The following COL22A1 variants were observed in gnomAD, a reference collection of about 807,000 sequenced individuals.
COL22A1 encodes collagen alpha-1(XXII) chain.
In COL22A1, 221 loss-of-function variants were observed where a neutral mutation model predicts 248.9. The observed-to-expected ratio is 0.89, with a 90% CI of 0.80 to 0.99. The LOEUF (loss-of-function observed/expected upper bound fraction) is 0.99, where lower values mean the gene tolerates loss of function less well. Among genes scored for constraint, COL22A1 ranks in the 50% least tolerant of loss-of-function variants. The pLI is 0.00. For synonymous variants in COL22A1, 891 were observed against 793.4 expected, an observed-to-expected ratio of 1.12 and a Z score of -2.07; for missense variants, 2,240 against 2,179.0, an observed-to-expected ratio of 1.03 and a Z score of -0.56.
chr8:138,660,803 GACACACATACACACAT>G (rs1189754478), intron 43 of COL22A1, among the ~76,000 whole-genome samples: 4 of 81,404 alleles, frequency 4.9e-5, no homozygotes, highest in African/African-American at 1.3e-4. Context: ...CAGACACACA[GACACACATACACACAT>G]ACACACACAT....
chr8:138,642,645 G>T (rs748369517), intron 47 of COL22A1, among the ~76,000 whole-genome samples: 6 of 152,206 alleles, frequency 3.9e-5, no homozygotes, highest in Admixed American at 2.0e-4. Context: ...CATCAGCACT[G>T]CATGCAGGCT....
At position 138,720,236 on chromosome 8, in the gene COL22A1, G is replaced by A. The variant is rs186026287; in HGVS notation, c.2355+503C>T. On this transcript the variant is annotated intron_variant, in intron 27 of 64. Transcript: ENST00000303045. The stretch of plus-strand genomic sequence containing the variant: ...TGGCCCGAGAAGGCTGAACTCTACG[G>A]ATTGCATCTGCCAGCTTTCCTTGCC... 2.6e-5 allele frequency among the ~76,000 whole-genome samples: 4 copies of A among 152,248 alleles called. No individual in the cohort carries two copies. The East Asian group carries it at 5.8e-4, about 22-fold the overall frequency.
At chr8:138,828,252 A>G (rs1819755148) in intron 5 of COL22A1, 1 of 152,004 alleles carries the variant, frequency 6.6e-6, no homozygotes. Context: ...TTCCTGGAGG[A>G]CGCATCCTAG....
At chr8:138,878,440 A>T (rs1162299605) in intron 2 of COL22A1, 124 bp from the exon 3 acceptor site, 6 of 825,400 alleles carry the variant, frequency 7.3e-6, no homozygotes, top group Non-Finnish European at 1.1e-5. Context: ...GTCTCTCATG[A>T]CCCAAGGGCC....
intron 3 of COL22A1, among the ~76,000 whole-genome samples, chr8:138,846,799 GA>G (rs1486984467): frequency 5.3e-5 from 8 of 152,122 alleles, no homozygotes; most frequent in African/African-American, 1.9e-4. Context: ...ATTCTTTACT[GA>G]GCTCCAGATA....
At chr8:138,748,132 C>T (rs1403895722) in intron 22 of COL22A1, among the ~76,000 whole-genome samples, 2 of 152,170 alleles carry the variant, frequency 1.3e-5, no homozygotes, top group Admixed American at 6.5e-5. Flanking sequence ...CTCACTCACT[C>T]CTGCAAGGCC....
intron 49 of COL22A1, among the ~76,000 whole-genome samples, chr8:138,631,255 C>T (rs144170027): frequency 6.6e-6 from 1 of 152,194 alleles, no homozygotes; most frequent in African/African-American, 2.4e-5. Flanking sequence ...ACAGATCTTA[C>T]ATTCTGTGCC....
At chr8:138,833,744 C>T (rs1379542937) in intron 4 of COL22A1, among the ~76,000 whole-genome samples, 3 of 152,096 alleles carry the variant, frequency 2.0e-5, no homozygotes, top group African/African-American at 7.2e-5. Flanking sequence ...AAGAGAGGAC[C>T]TTATACGCAT....
intron 56 of COL22A1, among the ~76,000 whole-genome samples, chr8:138,613,207 C>G (rs992650036): frequency 6.7e-6 from 1 of 149,696 alleles, no homozygotes; most frequent in African/African-American, 2.5e-5. Context: ...GAGATCACGC[C>G]AGTGCACTGC....
At chr8:138,597,182 C>A (rs1817614765) in intron 61 of COL22A1, among the ~76,000 whole-genome samples, 1 of 152,212 alleles carries the variant, frequency 6.6e-6, no homozygotes, top group Non-Finnish European at 1.5e-5. Context: ...GCAACCCGGA[C>A]TCTGGGCTCT....
intron 3 of COL22A1, among the ~76,000 whole-genome samples, chr8:138,866,203 T>C (rs1309701505): frequency 1.8e-4 from 27 of 152,212 alleles, no homozygotes; most frequent in Non-Finnish European, 1.5e-5. Context: ...GTCAGAAGCA[T>C]CACGATTAAT....
chr8:138,812,036 G>A (rs1045147884), intron 8 of COL22A1, 115 bp from the exon 9 acceptor site: 21 of 1,227,822 alleles, frequency 1.7e-5, no homozygotes, highest in African/African-American at 1.1e-4. Context: ...TTGAGAAAAC[G>A]CTGAGGATGT....
At chr8:138,671,813 G>A (rs1434644944) in intron 41 of COL22A1, among the ~76,000 whole-genome samples, 1 of 152,070 alleles carries the variant, frequency 6.6e-6, no homozygotes, top group Non-Finnish European at 1.5e-5. Context: ...CAAACTTACG[G>A]TATTGATAAA....
intron 47 of COL22A1, among the ~76,000 whole-genome samples, chr8:138,637,806 T>G (rs571859359): frequency 4.6e-5 from 7 of 152,186 alleles, no homozygotes; most frequent in Non-Finnish European, 1.0e-4. Flanking sequence ...ATTCTCATTG[T>G]CAGTATCACC....
At chr8:138,619,576 T>A in intron 52 of COL22A1, 68 bp from the exon 53 acceptor site, 1 of 1,464,558 alleles carries the variant, frequency 6.8e-7, no homozygotes, top group Non-Finnish European at 9.6e-7. Flanking sequence ...CCTGGCTCTC[T>A]GTGTTTCCTA....
intron 27 of COL22A1, among the ~76,000 whole-genome samples, chr8:138,719,260 A>C (rs1310343534): frequency 1.3e-5 from 2 of 152,114 alleles, no homozygotes; most frequent in Non-Finnish European, 2.9e-5. Flanking sequence ...TGAAAAAAAA[A>C]CACACAGCAA....
chr8:138,732,362 T>C (rs539500093), intron 23 of COL22A1, among the ~76,000 whole-genome samples: 19 of 152,246 alleles, frequency 1.2e-4, no homozygotes, highest in African/African-American at 4.6e-4. Flanking sequence ...AGGTAGAAAT[T>C]TACGTAAGAA....
intron 61 of COL22A1, among the ~76,000 whole-genome samples, chr8:138,597,456 A>G (rs1817634423): frequency 6.6e-6 from 1 of 152,134 alleles, no homozygotes; most frequent in East Asian, 1.9e-4. Flanking sequence ...TTCCCTGCTT[A>G]GGTCCACTGT....
intron 12 of COL22A1, among the ~76,000 whole-genome samples, chr8:138,788,245 G>A (rs960285571): frequency 6.6e-6 from 1 of 152,178 alleles, no homozygotes; most frequent in African/African-American, 2.4e-5. Flanking sequence ...AGTCCTCCAG[G>A]TGATTTGGAA....
Sources: gnomAD v4.1 joint callset for allele counts (sites outside exome capture counted in the v4.1 genomes callset) on GRCh38, gnomAD v4.1.1 for gene constraint, MANE v1.5 for transcripts, NCBI Gene and HGNC (gene_info 2026-07-23, HGNC 2026-07-21) for gene names.